Variants in KIAA1217 observed in about 807,000 individuals in gnomAD.
The protein encoded by KIAA1217 is KIAA1217.
In KIAA1217, 88 loss-of-function variants were observed where a neutral mutation model predicts 163.9. That is an observed-to-expected ratio of 0.54 (90% CI 0.45 to 0.64). KIAA1217 has a LOEUF of 0.64. Among genes scored for constraint, KIAA1217 ranks in the 30% least tolerant of loss-of-function variants. The pLI is 0.00. For missense variants in KIAA1217, 2,372 were observed against 2,475.0 expected, an observed-to-expected ratio of 0.96 and a Z score of 0.88; for synonymous variants, 903 against 923.1, an observed-to-expected ratio of 0.98 and a Z score of 0.39.
At chr10:23,796,340 C>CTTATTTATTTATTTAT (rs34347212) in intron 1 of KIAA1217, among the ~76,000 whole-genome samples, 24 of 148,378 alleles carry the variant, frequency 1.6e-4, no homozygotes, top group African/African-American at 2.7e-4. Context: ...CGAGAGACTG[C>CTTATTTATTTATTTAT]TTATTTATTT....
chr10:23,793,899 G>A (rs965520332), intron 1 of KIAA1217, among the ~76,000 whole-genome samples: 17 of 152,170 alleles, frequency 1.1e-4, no homozygotes, highest in African/African-American at 4.1e-4. Context: ...TTCTCCCTAC[G>A]GTTCAAATGA....
chr10:24,303,045 GCT>G lies in KIAA1217; in HGVS notation c.355-77821_355-77820del, dbSNP rs553838850. 5.9e-3 allele frequency among the ~76,000 whole-genome samples: 898 copies of G among 152,198 alleles called. 4 individuals are homozygous for G. The highest frequency in any genetic ancestry group is 0.01 in the Non-Finnish European group (714 of 68,008). ...TTTATTTTTCTAGAAATAGGGTCTT[GCT>G]CTGTCACCCAGGCTGGAGTGCAGTG... On this transcript the variant is annotated intron_variant, in intron 2 of 20. Coordinates refer to ENST00000376454, the MANE Select transcript of KIAA1217 (RefSeq NM_019590.5).
chr10:23,774,094 G>A (rs1834910916), intron 1 of KIAA1217, among the ~76,000 whole-genome samples: 1 of 152,132 alleles, frequency 6.6e-6, no homozygotes, highest in Non-Finnish European at 1.5e-5. Flanking sequence ...TTGGCTGTGG[G>A]TTTGTCATAG....
intron 2 of KIAA1217, among the ~76,000 whole-genome samples, chr10:24,296,873 C>G (rs541681406): frequency 6.6e-6 from 1 of 152,154 alleles, no homozygotes; most frequent in Non-Finnish European, 1.5e-5. Flanking sequence ...GCACTCTACA[C>G]GTGTATAGTT....
intron 8 of KIAA1217, among the ~76,000 whole-genome samples, chr10:24,501,096 A>C (rs7082512): frequency 0.29 from 43,773 of 151,494 alleles, 6,552 homozygotes; most frequent in Middle Eastern, 0.39. Flanking sequence ...ATAAAAAAAA[A>C]ATAAACAAAA....
intron 1 of KIAA1217, among the ~76,000 whole-genome samples, chr10:23,823,599 G>A (rs1012260358): frequency 6.6e-6 from 1 of 152,116 alleles, no homozygotes; most frequent in Non-Finnish European, 1.5e-5. Context: ...ATATTCATAG[G>A]TTCCAGGGAT....
At chr10:23,710,490 A>G (rs187556167) in intron 1 of KIAA1217, among the ~76,000 whole-genome samples, 159 of 152,332 alleles carry the variant, frequency 1.0e-3, no homozygotes, top group African/African-American at 3.6e-3. Context: ...AACTGTAACA[A>G]TGGAAAGAAT....
intron 1 of KIAA1217, among the ~76,000 whole-genome samples, chr10:23,813,868 A>C (rs75201113): frequency 4.6e-5 from 7 of 152,132 alleles, no homozygotes; most frequent in Admixed American, 3.9e-4. Context: ...GTCCTTATCA[A>C]CACTGTGTTA....
chr10:24,399,458 T>C (rs555772933), intron 3 of KIAA1217, among the ~76,000 whole-genome samples: 1 of 152,374 alleles, frequency 6.6e-6, no homozygotes, highest in African/African-American at 2.4e-5. Context: ...TCATGAGTTA[T>C]TTTATAATAA....
chr10:23,967,141 A>G (rs1443943199), intron 1 of KIAA1217, among the ~76,000 whole-genome samples: 1 of 152,104 alleles, frequency 6.6e-6, no homozygotes, highest in Non-Finnish European at 1.5e-5. Context: ...AAATGGCAAA[A>G]TTGTTAGAAA....
intron 1 of KIAA1217, among the ~76,000 whole-genome samples, chr10:23,932,681 GT>G (rs1843306829): frequency 6.6e-6 from 1 of 152,020 alleles, no homozygotes; most frequent in South Asian, 2.1e-4. Context: ...TTTACTATTT[GT>G]TTTTACATTA....
At chr10:24,444,564 G>T (rs931947282) in intron 5 of KIAA1217, among the ~76,000 whole-genome samples, 1 of 152,150 alleles carries the variant, frequency 6.6e-6, no homozygotes, top group African/African-American at 2.4e-5. Flanking sequence ...ACCAGTCATG[G>T]CATCTTAACC....
intron 2 of KIAA1217, among the ~76,000 whole-genome samples, chr10:24,058,401 A>G (rs1411018452): frequency 1.3e-5 from 2 of 152,208 alleles, no homozygotes; most frequent in Non-Finnish European, 2.9e-5. Flanking sequence ...CATGTGAATT[A>G]TAGAGTTGTA....
intron 1 of KIAA1217, among the ~76,000 whole-genome samples, chr10:23,851,136 T>A (rs1839293159): frequency 6.6e-6 from 1 of 152,092 alleles, no homozygotes; most frequent in Non-Finnish European, 1.5e-5. Context: ...TAGCATTAGG[T>A]ATATCTCCTA....
chr10:23,778,186 C>A (rs117630821), intron 1 of KIAA1217, among the ~76,000 whole-genome samples: 2,172 of 152,242 alleles, frequency 0.014, 16 homozygotes, highest in Non-Finnish European at 0.019. Flanking sequence ...TGATTCCCCC[C>A]CCTTCGGCCT....
At chr10:23,715,575 C>T (rs560361717) in intron 1 of KIAA1217, among the ~76,000 whole-genome samples, 2 of 152,190 alleles carry the variant, frequency 1.3e-5, no homozygotes, top group South Asian at 4.2e-4. Context: ...TAAGATTTTA[C>T]ATTTCTTTTA....
intron 1 of KIAA1217, among the ~76,000 whole-genome samples, chr10:23,952,804 C>A (rs953957024): frequency 6.6e-6 from 1 of 152,136 alleles, no homozygotes; most frequent in African/African-American, 2.4e-5. Flanking sequence ...GCTATTACTA[C>A]CCATGGATTG....
chr10:23,818,028 C>T (rs11013726), intron 1 of KIAA1217, among the ~76,000 whole-genome samples: 5,612 of 112,806 alleles, frequency 0.05, 679 homozygotes, highest in African/African-American at 0.19. Flanking sequence ...TATATACACA[C>T]ATATATATAC....
intron 2 of KIAA1217, among the ~76,000 whole-genome samples, chr10:24,137,758 A>G (rs965880626): frequency 6.6e-6 from 1 of 152,232 alleles, no homozygotes; most frequent in Non-Finnish European, 1.5e-5. Context: ...TCTAAAAAGT[A>G]TGAAGTGCTA....
Sources: gnomAD v4.1 joint callset for allele counts (sites outside exome capture counted in the v4.1 genomes callset) on GRCh38, gnomAD v4.1.1 for gene constraint, MANE v1.5 for transcripts, NCBI Gene and HGNC (gene_info 2026-07-23, HGNC 2026-07-21) for gene names.